Variants in NRXN1 observed in about 807,000 individuals in gnomAD.
NRXN1 encodes neurexin 1.
A neutral mutation model predicts 150.9 loss-of-function variants in NRXN1; 39 were observed. The ratio of observed to expected loss-of-function variants is 0.26; its 90% CI spans 0.20 to 0.34. The LOEUF is 0.34. NRXN1 is among the 10% of genes least tolerant of loss of function. The probability of loss-of-function intolerance (pLI) is 1.00; values close to 1 mark genes in which losing one functional copy is unlikely to be tolerated. For missense variants in NRXN1, 1,815 were observed against 1,949.9 expected (o/e 0.93, Z 1.30); for synonymous variants, 924 against 757.0 (o/e 1.22, Z -3.62).
intron 22 of NRXN1, among the ~76,000 whole-genome samples, chr2:49,941,807 A>C (rs1478674400): frequency 6.6e-6 from 1 of 152,180 alleles, no homozygotes; most frequent in East Asian, 1.9e-4. Flanking sequence ...ACTTTGTTAC[A>C]TGGATAACTC....
intron 21 of NRXN1, among the ~76,000 whole-genome samples, chr2:50,000,376 A>C (rs1385405486): frequency 2.0e-5 from 3 of 152,322 alleles, no homozygotes; most frequent in Admixed American, 1.3e-4. Flanking sequence ...CAAATATGTA[A>C]ATAAAATTGT....
intron 17 of NRXN1, among the ~76,000 whole-genome samples, chr2:50,274,500 C>T (rs952992713): frequency 6.6e-5 from 10 of 151,950 alleles, no homozygotes; most frequent in South Asian, 2.1e-4. Flanking sequence ...CACCATGGCA[C>T]GTGTATACCT....
intron 17 of NRXN1, among the ~76,000 whole-genome samples, chr2:50,447,476 T>C (rs1262037807): frequency 3.4e-5 from 2 of 58,872 alleles, no homozygotes; most frequent in African/African-American, 1.1e-4. Context: ...TGAGACTCTG[T>C]CTCAAAAAAA....
chr2:50,758,300 T>G (rs1383474088), intron 5 of NRXN1, among the ~76,000 whole-genome samples: 1 of 151,840 alleles, frequency 6.6e-6, no homozygotes, highest in Non-Finnish European at 1.5e-5. Flanking sequence ...AATGTTGACC[T>G]TTACTTAATG....
rs147593498 is a variant in NRXN1 at position 50,195,900 on chromosome 2, A to G, written c.3546+40889T>C. 2.0e-5 allele frequency among the ~76,000 whole-genome samples: 3 copies of G among 152,214 alleles called. No individual in the cohort carries two copies. The East Asian group carries it at 5.8e-4, about 29-fold the overall frequency. On this transcript the variant is annotated intron_variant, in intron 18 of 22. Transcript: ENST00000401669. The stretch of plus-strand genomic sequence containing the variant: ...AAGAAATGTAAAGGTAGAATATAAT[A>G]ATAGTAATATTGTCTGTACTTAATT...
intron 5 of NRXN1, among the ~76,000 whole-genome samples, chr2:50,860,187 CT>C (rs1675914809): frequency 6.6e-6 from 1 of 151,726 alleles, no homozygotes; most frequent in Non-Finnish European, 1.5e-5. Flanking sequence ...TCTGATCAGC[CT>C]TGTGCCAGTT....
chr2:49,973,911 C>A, intron 21 of NRXN1: 1 of 696,504 alleles, frequency 1.4e-6, no homozygotes, highest in Non-Finnish European at 2.7e-6. Context: ...GTATCTTAAA[C>A]CCTGCATGCT....
chr2:50,667,377 T>A (rs952894904), intron 5 of NRXN1, among the ~76,000 whole-genome samples: 1 of 151,954 alleles, frequency 6.6e-6, no homozygotes, highest in Admixed American at 6.6e-5. Context: ...GGGCTTCAAA[T>A]TATTAGAAGG....
At chr2:50,261,004 GA>G (rs765923876) in intron 17 of NRXN1, among the ~76,000 whole-genome samples, 9 of 151,198 alleles carry the variant, frequency 6.0e-5, no homozygotes, top group Non-Finnish European at 1.0e-4. Context: ...AAAGAACAGA[GA>G]AAAAAAATCC....
chr2:50,591,791 C>T (rs372415566), intron 8 of NRXN1, among the ~76,000 whole-genome samples: 2 of 152,206 alleles, frequency 1.3e-5, no homozygotes, highest in South Asian at 4.1e-4. Flanking sequence ...GGGAAATGCG[C>T]CCCAGTGTGC....
At chr2:50,141,177 C>T (rs1047785063) in intron 18 of NRXN1, among the ~76,000 whole-genome samples, 9 of 151,820 alleles carry the variant, frequency 5.9e-5, no homozygotes, top group Admixed American at 2.0e-4. Flanking sequence ...GATTAGCATG[C>T]GATAAGAACA....
chr2:49,994,139 C>A (rs1245012002), intron 21 of NRXN1, among the ~76,000 whole-genome samples: 9 of 152,112 alleles, frequency 5.9e-5, no homozygotes, highest in Non-Finnish European at 1.3e-4. Context: ...AAGCATAGTA[C>A]GGGGGTGCTC....
intron 5 of NRXN1, among the ~76,000 whole-genome samples, chr2:50,750,225 G>GTCACATAGCATTCAGAGCCC (rs1700439267): frequency 6.6e-6 from 1 of 151,912 alleles, no homozygotes; most frequent in Non-Finnish European, 1.5e-5. Context: ...CACATAATTT[G>GTCACATAGCATTCAGAGCCC]TCACATAGCA....
chr2:50,762,555 A>G (rs1701921302), intron 5 of NRXN1, among the ~76,000 whole-genome samples: 1 of 151,778 alleles, frequency 6.6e-6, no homozygotes, highest in Non-Finnish European at 1.5e-5. Context: ...TAGGTACCCA[A>G]TGTTTAGCTT....
At chr2:50,606,719 T>G (rs1223705464) in intron 8 of NRXN1, among the ~76,000 whole-genome samples, 2 of 151,898 alleles carry the variant, frequency 1.3e-5, no homozygotes, top group Non-Finnish European at 2.9e-5. Context: ...AATTTTACAG[T>G]CAGTTCTTCC....
intron 19 of NRXN1, among the ~76,000 whole-genome samples, chr2:50,087,342 T>C (rs1698934165): frequency 6.6e-6 from 1 of 152,154 alleles, no homozygotes; most frequent in East Asian, 1.9e-4. Context: ...AACGAACATT[T>C]GACCTTGTGT....
intron 19 of NRXN1, among the ~76,000 whole-genome samples, chr2:50,067,171 A>G (rs944022984): frequency 6.6e-6 from 1 of 152,192 alleles, no homozygotes; most frequent in East Asian, 1.9e-4. Context: ...CAGGCTGTCT[A>G]CTGCAGAGTT....
rs199784029 is a variant in NRXN1, at chr2:51,027,952, G to C, written c.322C>G (p.Pro108Ala). 1.2e-6 allele frequency: 2 copies of C among 1,603,282 alleles called. No homozygotes were observed. The highest frequency in any genetic ancestry group is 2.2e-5 in the South Asian group (2 of 91,034). ...AEPATLLADT[P>A]VNDGAWHSVR... is the part of the protein sequence containing the mutation. ...CTGTGCCAGGCGCCGTCGTTAACCGGCGTGTCGGCCAGGAGCGTCGCAGGC... is the reference window on the plus strand; with the variant it reads ...CTGTGCCAGGCGCCGTCGTTAACCGCCGTGTCGGCCAGGAGCGTCGCAGGC... The change falls in exon 2 of 23, where the codon CCG (proline) becomes GCG (alanine). Residue 108 changes from proline to alanine, a missense_variant. Around this residue, in one of 6 missense-constraint regions of NRXN1, gnomAD observed 554 missense variants for 478.8 expected, o/e 1.16. Coordinates refer to ENST00000401669, the MANE Select transcript of NRXN1 (RefSeq NM_001330078.2).
chr2:50,698,521 T>C (rs1488765414), intron 5 of NRXN1, among the ~76,000 whole-genome samples: 1 of 152,270 alleles, frequency 6.6e-6, no homozygotes, highest in Non-Finnish European at 1.5e-5. Context: ...CAACATGCAA[T>C]GTGGTGGCTA....
Sources: gnomAD v4.1 joint callset for allele counts (sites outside exome capture counted in the v4.1 genomes callset) on GRCh38, gnomAD v4.1.1 for gene constraint, gnomAD v4.1.1 regional missense constraint, MANE v1.5 for transcripts, NCBI Gene and HGNC (gene_info 2026-07-23, HGNC 2026-07-21) for gene names.